The following PCDH9 variants were observed in gnomAD, a reference collection of about 807,000 sequenced individuals.
The protein encoded by PCDH9 is protocadherin-9.
Under a neutral mutation model 70.6 loss-of-function variants are expected in PCDH9, and 24 were observed. The observed-to-expected ratio is 0.34, with a 90% CI of 0.25 to 0.48. The LOEUF (loss-of-function observed/expected upper bound fraction) is 0.48. Ranked by LOEUF, PCDH9 falls within the 20% of genes least tolerant of loss-of-function variation. The pLI, the probability that PCDH9 is intolerant of heterozygous loss-of-function variation, is 0.99. For missense variants in PCDH9, 1,281 were observed against 1,503.6 expected (o/e 0.85, Z 2.45); for synonymous variants, 562 against 558.5 (o/e 1.01, Z -0.09).
rs149273024 is a variant in PCDH9, at chr13:66,518,487, C to A, written c.3340+112723G>T. Among the ~76,000 whole-genome samples the A allele has an allele frequency of 2.3e-3, 346 of 151,924 alleles. 3 individuals are homozygous for A. The highest frequency in any genetic ancestry group is 7.9e-3 in the African/African-American group (328 of 41,424). The stretch of plus-strand genomic sequence containing the variant: ...TTAGAAATAATAGCTGATTTTTGAC[C>A]CTAAGTTGCAAACTCCTCCTCCTCG... On this transcript the variant is annotated intron_variant, in intron 4 of 4. Transcript: ENST00000377865.
chr13:66,760,521 C>T (rs1166557821), intron 3 of PCDH9, among the ~76,000 whole-genome samples: 2 of 152,158 alleles, frequency 1.3e-5, no homozygotes, highest in Non-Finnish European at 1.5e-5. Flanking sequence ...TTAATCCCGT[C>T]ATCTTCGTAA....
At chr13:66,450,293 T>G (rs1337516930) in intron 4 of PCDH9, among the ~76,000 whole-genome samples, 2 of 152,228 alleles carry the variant, frequency 1.3e-5, no homozygotes, top group Non-Finnish European at 2.9e-5. Flanking sequence ...TATTATACAA[T>G]ATGCTCTAAG....
chr13:66,948,295 A>C (rs1437556822), intron 2 of PCDH9, among the ~76,000 whole-genome samples: 1 of 152,114 alleles, frequency 6.6e-6, no homozygotes, highest in Non-Finnish European at 1.5e-5. Flanking sequence ...TCTAGAATAG[A>C]GTAGGAATTT....
chr13:66,535,688 GC>G (rs1476444735), intron 4 of PCDH9, among the ~76,000 whole-genome samples: 1 of 152,002 alleles, frequency 6.6e-6, no homozygotes, highest in African/African-American at 2.4e-5. Context: ...TGCTTATTAT[GC>G]TTCCTAGAGG....
intron 2 of PCDH9, among the ~76,000 whole-genome samples, chr13:67,096,251 T>C (rs1343940517): frequency 6.6e-6 from 1 of 152,118 alleles, no homozygotes; most frequent in East Asian, 1.9e-4. Flanking sequence ...CAGTTTATGG[T>C]ATTGCTGTCA....
At chr13:66,627,004 T>A (rs1433417882) in intron 4 of PCDH9, among the ~76,000 whole-genome samples, 2 of 149,990 alleles carry the variant, frequency 1.3e-5, no homozygotes, top group Non-Finnish European at 3.0e-5. Context: ...AGCAATAACC[T>A]ATATTAAAGC....
At chr13:67,174,451 G>A (rs1566474520) in intron 2 of PCDH9, among the ~76,000 whole-genome samples, 1 of 152,238 alleles carries the variant, frequency 6.6e-6, no homozygotes, top group African/African-American at 2.4e-5. Context: ...TATAAACAGT[G>A]TTGATTATAA....
chr13:66,356,733 G>A (rs1956390311), intron 4 of PCDH9, among the ~76,000 whole-genome samples: 1 of 152,048 alleles, frequency 6.6e-6, no homozygotes, highest in African/African-American at 2.4e-5. Flanking sequence ...ACATCTTGTA[G>A]TTACAGTAAG....
intron 4 of PCDH9, among the ~76,000 whole-genome samples, chr13:66,472,762 G>A (rs1237777597): frequency 6.6e-6 from 1 of 152,068 alleles, no homozygotes; most frequent in African/African-American, 2.4e-5. Flanking sequence ...ATCCAAGCCT[G>A]TCTTTATTTT....
At chr13:67,079,624 A>G (rs2085945187) in intron 2 of PCDH9, among the ~76,000 whole-genome samples, 1 of 152,186 alleles carries the variant, frequency 6.6e-6, no homozygotes, top group Admixed American at 6.6e-5. Flanking sequence ...TCATCGGACT[A>G]AAATTACCCT....
chr13:66,641,265 C>T (rs531175955), intron 3 of PCDH9, among the ~76,000 whole-genome samples: 1 of 152,070 alleles, frequency 6.6e-6, no homozygotes, highest in Non-Finnish European at 1.5e-5. Context: ...GAATGATGTA[C>T]CCCTGTAGCA....
At chr13:67,084,813 A>G in intron 2 of PCDH9, among the ~76,000 whole-genome samples, 1 of 151,048 alleles carries the variant, frequency 6.6e-6, no homozygotes. Context: ...TTAAAAATAT[A>G]AAAATTAGCT....
chr13:66,584,415 G>A (rs2076935267), intron 4 of PCDH9, among the ~76,000 whole-genome samples: 3 of 152,046 alleles, frequency 2.0e-5, no homozygotes, highest in Admixed American at 2.0e-4. Flanking sequence ...AAATATTACT[G>A]CTAACAACAA....
intron 3 of PCDH9, among the ~76,000 whole-genome samples, chr13:66,768,715 C>T (rs2079757786): frequency 6.6e-6 from 1 of 151,990 alleles, no homozygotes; most frequent in Admixed American, 6.6e-5. Context: ...GAAAGAAACC[C>T]CATGCTGACA....
intron 3 of PCDH9, among the ~76,000 whole-genome samples, chr13:66,666,680 G>T (rs756134093): frequency 6.6e-6 from 1 of 152,118 alleles, no homozygotes; most frequent in South Asian, 2.1e-4. Context: ...TCTACAATAT[G>T]TCAGAAATAC....
intron 4 of PCDH9, among the ~76,000 whole-genome samples, chr13:66,628,706 T>A (rs1269566175): frequency 6.6e-6 from 1 of 152,218 alleles, no homozygotes; most frequent in South Asian, 2.1e-4. Context: ...TAAGCCTAAG[T>A]TTTGCTTTTC....
At chr13:66,744,358 G>A (rs1203409858) in intron 3 of PCDH9, among the ~76,000 whole-genome samples, 1 of 152,126 alleles carries the variant, frequency 6.6e-6, no homozygotes, top group Non-Finnish European at 1.5e-5. Context: ...ATAAAACTAT[G>A]CAGGTAGACT....
intron 2 of PCDH9, among the ~76,000 whole-genome samples, chr13:66,963,094 C>T (rs1168064065): frequency 6.6e-6 from 1 of 152,034 alleles, no homozygotes; most frequent in African/African-American, 2.4e-5. Flanking sequence ...GGTTTGTGCT[C>T]CTATGAGAAT....
chr13:67,161,708 G>A (rs2087965662), intron 2 of PCDH9, among the ~76,000 whole-genome samples: 1 of 152,290 alleles, frequency 6.6e-6, no homozygotes, highest in African/African-American at 2.4e-5. Flanking sequence ...TTAATTTCCA[G>A]GGACTGTCAG....
Sources: allele counts gnomAD v4.1 joint callset (sites outside exome capture counted in the v4.1 genomes callset), GRCh38; gene constraint gnomAD v4.1.1; transcripts MANE v1.5; gene names NCBI Gene and HGNC (gene_info 2026-07-23, HGNC 2026-07-21).